The following KCNB2 variants were observed in gnomAD, a reference collection of about 807,000 sequenced individuals.
KCNB2 encodes the protein potassium voltage-gated channel subfamily B member 2, also known as delayed rectifier potassium channel protein.
In KCNB2, 15 loss-of-function variants were observed where a neutral mutation model predicts 61.5. The ratio of observed to expected loss-of-function variants is 0.24; its 90% CI spans 0.16 to 0.38. The LOEUF is 0.38. Among genes scored for constraint, KCNB2 ranks in the 10% least tolerant of loss-of-function variants. KCNB2 has a pLI of 1.00. For missense variants in KCNB2, 828 were observed against 1,125.2 expected (o/e 0.74, Z 3.78); for synonymous variants, 457 against 446.0 (o/e 1.02, Z -0.31).
chr8:72,794,348 C>T (rs1352244395), intron 2 of KCNB2, among the ~76,000 whole-genome samples: 5 of 151,916 alleles, frequency 3.3e-5, no homozygotes, highest in Non-Finnish European at 5.9e-5. Flanking sequence ...GGGTGGATCA[C>T]GAGGTCAGGA....
At chr8:72,715,584 G>T (rs1425008835) in intron 2 of KCNB2, among the ~76,000 whole-genome samples, 1 of 152,078 alleles carries the variant, frequency 6.6e-6, no homozygotes, top group Non-Finnish European at 1.5e-5. Flanking sequence ...CGAAATGAAG[G>T]CAGAAATAAA....
At chr8:72,681,390 C>T (rs1047361784) in intron 2 of KCNB2, among the ~76,000 whole-genome samples, 23 of 151,890 alleles carry the variant, frequency 1.5e-4, no homozygotes, top group African/African-American at 5.3e-4. Flanking sequence ...CTAAGACAAA[C>T]GAACACATTA....
intron 2 of KCNB2, among the ~76,000 whole-genome samples, chr8:72,724,225 C>G (rs1554586930): frequency 6.6e-6 from 1 of 152,102 alleles, no homozygotes; most frequent in Non-Finnish European, 1.5e-5. Context: ...GTTGTGTACC[C>G]ACAGTTCTGT....
chr8:72,612,690 C>T (rs1470442119), intron 2 of KCNB2, among the ~76,000 whole-genome samples: 1 of 152,110 alleles, frequency 6.6e-6, no homozygotes, highest in Admixed American at 6.5e-5. Flanking sequence ...AAACAGTTGC[C>T]TTGGGCTTTG....
rs1806953132 is a variant in KCNB2, at chr8:72,937,694, C to T, written c.2339C>T (p.Pro780Leu). The change falls in exon 3 of 3, where the codon CCT becomes CTT. Residue 780 changes from proline (P) to leucine (L), a missense_variant. Transcript: ENST00000523207. The part of the protein sequence containing the change: ...GTEVSAPCQG[P>L]SKGLSPRFPK... ...GAGGTTTCAGCGCCTTGTCAGGGAC[C>T]TTCCAAAGGGCTGTCCCCCAGGTTT... 1 of 1,613,954 alleles carries T rather than the reference C, an allele frequency of 6.2e-7. No homozygotes were observed. The highest frequency in any genetic ancestry group is 1.6e-4 in the Middle Eastern group (1 of 6,062).
chr8:72,546,055 TC>T (rs1806253279), intron 1 of KCNB2, among the ~76,000 whole-genome samples: 1 of 152,164 alleles, frequency 6.6e-6, no homozygotes, highest in Non-Finnish European at 1.5e-5. Flanking sequence ...GGCCCCCTGT[TC>T]TGGCAATAGG....
At chr8:72,843,880 C>T in intron 2 of KCNB2, among the ~76,000 whole-genome samples, 1 of 152,132 alleles carries the variant, frequency 6.6e-6, no homozygotes, top group Non-Finnish European at 1.5e-5. Flanking sequence ...TGGGTCTTGA[C>T]TCTTTATCCA....
intron 2 of KCNB2, among the ~76,000 whole-genome samples, chr8:72,741,096 A>G (rs115492113): frequency 1.4e-3 from 206 of 152,282 alleles, no homozygotes; most frequent in African/African-American, 4.6e-3. Flanking sequence ...TGTTTTCTAT[A>G]TATCCCTTTT....
intron 2 of KCNB2, among the ~76,000 whole-genome samples, chr8:72,649,537 T>C (rs1806181740): frequency 6.6e-6 from 1 of 152,132 alleles, no homozygotes; most frequent in Admixed American, 6.6e-5. Flanking sequence ...AACTTCAGTA[T>C]CATGCAATAT....
chr8:72,547,484 G>A (rs537583954), intron 1 of KCNB2, among the ~76,000 whole-genome samples: 2 of 152,292 alleles, frequency 1.3e-5, no homozygotes, highest in South Asian at 2.1e-4. Context: ...TGATTGATGG[G>A]AGGAAGTCAA....
intron 2 of KCNB2, among the ~76,000 whole-genome samples, chr8:72,889,107 C>T (rs778404585): frequency 3.9e-5 from 6 of 152,160 alleles, no homozygotes; most frequent in Non-Finnish European, 8.8e-5. Flanking sequence ...AGCATTACCC[C>T]ATGCTTCTTA....
At position 72,920,465 on chromosome 8, in the gene KCNB2, C is replaced by CTATATA. The variant is rs1261158124; in HGVS notation, c.580-15467_580-15466insATATAT. On this transcript the variant is annotated intron_variant, in intron 2 of 2. Coordinates refer to ENST00000523207, the MANE Select transcript of KCNB2 (RefSeq NM_004770.3). ...TATATCTATCTATCTATCTATCTATCTATCTATCTATATATATATATATTA... is the reference window on the plus strand; with the variant it reads ...TATATCTATCTATCTATCTATCTATCTATATATATCTATCTATATATATATATATTA... Among the ~76,000 whole-genome samples the CTATATA allele has an allele frequency of 1.1e-4, 8 of 71,074 alleles. 1 individual carries two copies. Among genetic ancestry groups the CTATATA allele is most frequent in the African/African-American group, 1.8e-4 (3 of 16,800 alleles). The allele number at this position is 71,074 out of a possible 152,430, so 46.6% of individuals were successfully genotyped here.
intron 2 of KCNB2, among the ~76,000 whole-genome samples, chr8:72,587,345 G>A (rs928708792): frequency 3.9e-5 from 6 of 152,100 alleles, no homozygotes; most frequent in Non-Finnish European, 8.8e-5. Context: ...AGCATGGTAG[G>A]TTCTCTGTGG....
At chr8:72,592,867 G>T (rs1054350377) in intron 2 of KCNB2, among the ~76,000 whole-genome samples, 1 of 151,958 alleles carries the variant, frequency 6.6e-6, no homozygotes, top group Admixed American at 6.6e-5. Flanking sequence ...AACATACCTT[G>T]GCAAAACCAA....
At chr8:72,713,764 C>T (rs1807369190) in intron 2 of KCNB2, among the ~76,000 whole-genome samples, 1 of 152,166 alleles carries the variant, frequency 6.6e-6, no homozygotes, top group Non-Finnish European at 1.5e-5. Flanking sequence ...TCTCCTCCTC[C>T]AAAGGAACGC....
chr8:72,748,993 C>CTTTTGT, intron 2 of KCNB2, among the ~76,000 whole-genome samples: 1 of 152,140 alleles, frequency 6.6e-6, no homozygotes, highest in Non-Finnish European at 1.5e-5. Context: ...CTTTGACCAA[C>CTTTTGT]ACCTCCCAAC....
At chr8:72,634,558 A>G (rs1048956210) in intron 2 of KCNB2, among the ~76,000 whole-genome samples, 20 of 152,138 alleles carry the variant, frequency 1.3e-4, no homozygotes, top group African/African-American at 4.3e-4. Flanking sequence ...TATTGTATCT[A>G]CGTTAAATGT....
chr8:72,927,452 G>GT (rs1806674269), intron 2 of KCNB2, among the ~76,000 whole-genome samples: 1 of 152,006 alleles, frequency 6.6e-6, no homozygotes, highest in African/African-American at 2.4e-5. Flanking sequence ...TGTATGTTTA[G>GT]TAGAGACAGG....
chr8:72,826,322 C>G (rs1268910401), intron 2 of KCNB2, among the ~76,000 whole-genome samples: 2 of 152,160 alleles, frequency 1.3e-5, no homozygotes, highest in South Asian at 2.1e-4. Flanking sequence ...CCATAGAACA[C>G]AAATCCTACT....
Sources: allele counts gnomAD v4.1 joint callset (sites outside exome capture counted in the v4.1 genomes callset), GRCh38; gene constraint gnomAD v4.1.1; transcripts MANE v1.5; gene names NCBI Gene and HGNC (gene_info 2026-07-23, HGNC 2026-07-21).